HSD17B13: variants seen among roughly 807,000 people sequenced by gnomAD.
HSD17B13 encodes the protein 17-beta-hydroxysteroid dehydrogenase 13.
HSD17B13 carries 26 observed loss-of-function variants against 31.1 expected under a neutral mutation model. The ratio of observed to expected loss-of-function variants is 0.84; its 90% CI spans 0.61 to 1.16. The LOEUF (loss-of-function observed/expected upper bound fraction) is 1.16, where lower values mean the gene tolerates loss of function less well. Ranked by LOEUF, HSD17B13 falls within the 50% of genes most tolerant of loss-of-function variation. HSD17B13 has a pLI of 0.00. For synonymous variants in HSD17B13, 141 were observed against 133.7 expected (o/e 1.05, Z -0.38); for missense variants, 374 against 366.5 (o/e 1.02, Z -0.17).
rs1734592733 is a variant in HSD17B13, at chr4:87,313,975, T to C, written c.558-15A>G. The C allele has an allele frequency of 1.3e-6, 2 of 1,522,198 alleles. No homozygotes were observed. The highest frequency in any genetic ancestry group is 2.5e-5 in the East Asian group (1 of 40,318). 94.3% of individuals were successfully genotyped at this position (1,522,198 alleles called of 1,614,324 possible). A position where few individuals can be genotyped will look rare whatever the true frequency, so the allele number is the denominator to read the frequency against. ...ATTTGCTGGAACTGTAAGAGAATTA[T>C]TAAGCATTGTTAGCTAAGGGAGAGT... On this transcript the variant is annotated splice_polypyrimidine_tract_variant and intron_variant, in intron 4 of 6. Coordinates refer to ENST00000328546, the MANE Select transcript of HSD17B13 (RefSeq NM_178135.5).
chr4:87,322,665 T>C lies in HSD17B13; in HGVS notation c.177A>G (p.Arg59=). ...TATCCCACAGAACCAATATGCTCTG[T>C]CGTTTTGCAAATTCATAAGTAGTCT... The part of the protein sequence containing the change: ...GRQTTYEFAK[R]QSILVLWDIN... The change falls in exon 1 of 7, where the codon CGA becomes CGG. Residue 59 remains arginine, a synonymous_variant. Transcript: ENST00000328546. 2 of 1,614,122 alleles carry C rather than the reference T, an allele frequency of 1.2e-6. No homozygotes were observed. Among genetic ancestry groups the C allele is most frequent in the Non-Finnish European group, 1.7e-6 (2 of 1,179,940 alleles).
At chr4:87,310,136 C>T (rs911946409) in intron 6 of HSD17B13, 107 bp downstream of exon 6, 58 of 1,361,936 alleles carry the variant, frequency 4.3e-5, no homozygotes, top group African/African-American at 4.1e-4. Flanking sequence ...CTGCAACCAC[C>T]GCAATCCAGC....
At chr4:87,305,461 T>G (rs1172121923) in intron 6 of HSD17B13, among the ~76,000 whole-genome samples, 153 bp from the exon 7 acceptor site, 1 of 151,392 alleles carries the variant, frequency 6.6e-6, no homozygotes, top group Non-Finnish European at 1.5e-5. Flanking sequence ...ACCTCTCTTT[T>G]ACGTGTGCAT....
intron 6 of HSD17B13, among the ~76,000 whole-genome samples, chr4:87,308,485 TAAAAAAAAAAAAAAA>T (rs893354684): frequency 0.019 from 632 of 33,166 alleles, 11 homozygotes; most frequent in African/African-American, 0.035. Context: ...CCGTCTCTAC[TAAAAAAAAAAAAAAA>T]AAAAAAAAAA....
intron 6 of HSD17B13, among the ~76,000 whole-genome samples, chr4:87,305,621 A>G (rs1734374222): frequency 6.6e-6 from 1 of 152,138 alleles, no homozygotes; most frequent in African/African-American, 2.4e-5. Context: ...AAGTAAGGTA[A>G]AGTCTAAATT....
intron 5 of HSD17B13, among the ~76,000 whole-genome samples, chr4:87,312,474 G>A (rs1000490883): frequency 3.5e-5 from 5 of 143,506 alleles, no homozygotes; most frequent in Non-Finnish European, 7.6e-5. Context: ...GCCTCCGACT[G>A]TAGTCTTCAG....
chr4:87,320,382 G>GTTT (rs66590696), intron 1 of HSD17B13, among the ~76,000 whole-genome samples: 1,838 of 101,280 alleles, frequency 0.018, 74 homozygotes, highest in East Asian at 0.031. Context: ...TTATTCTTCA[G>GTTT]TTTTTTTTTT....
intron 5 of HSD17B13, among the ~76,000 whole-genome samples, chr4:87,313,392 A>C (rs1175741821): frequency 1.3e-5 from 2 of 152,186 alleles, no homozygotes. Flanking sequence ...TCGGGTTCTT[A>C]TCCACACCTT....
Position 87,315,607 on chromosome 4 carries a change from A to C in HSD17B13, c.451-8T>G, listed in dbSNP as rs201689424. The C allele has an allele frequency of 3.7e-4, 568 of 1,544,134 alleles. 2 individuals are homozygous for C. The African/African-American group carries it at 6.7e-3, about 18-fold the overall frequency. On this transcript the variant is annotated splice_region_variant and splice_polypyrimidine_tract_variant and intron_variant, in intron 3 of 6. Coordinates refer to ENST00000328546, the MANE Select transcript of HSD17B13 (RefSeq NM_178135.5). ...AAGAAGTGCTTTTGTGATCTTAAGG[A>C]TCATTGCAGAAAGAAGAAAGACAAT... is the stretch of plus-strand genomic sequence containing the variant.
intron 3 of HSD17B13, among the ~76,000 whole-genome samples, chr4:87,316,795 A>T (rs1439782911): frequency 6.6e-6 from 1 of 152,158 alleles, no homozygotes; most frequent in Non-Finnish European, 1.5e-5. Flanking sequence ...TACACTGACA[A>T]CCCTTAACAA....
intron 6 of HSD17B13, among the ~76,000 whole-genome samples, chr4:87,307,863 G>A (rs1202138689): frequency 6.6e-6 from 1 of 152,116 alleles, no homozygotes; most frequent in Non-Finnish European, 1.5e-5. Flanking sequence ...TCTCAAGTCA[G>A]TCTATTTAAG....
At chr4:87,320,875 T>C (rs1029692412) in intron 1 of HSD17B13, among the ~76,000 whole-genome samples, 1 of 152,132 alleles carries the variant, frequency 6.6e-6, no homozygotes, top group African/African-American at 2.4e-5. Context: ...AAGGAGCCAG[T>C]TATGATGAAA....
intron 4 of HSD17B13, 83 bp from the exon 5 acceptor site, chr4:87,314,043 G>T: frequency 8.4e-7 from 1 of 1,192,448 alleles, no homozygotes; most frequent in Non-Finnish European, 1.1e-6. Context: ...GTATCATTTG[G>T]CTTAAGAACA....
intron 1 of HSD17B13, among the ~76,000 whole-genome samples, chr4:87,322,409 G>A (rs186557981): frequency 3.9e-5 from 6 of 152,270 alleles, no homozygotes; most frequent in African/African-American, 1.4e-4. Flanking sequence ...TGGCTCCTGA[G>A]TCTTTCTATC....
chr4:87,320,382 G>GTTTTTT (rs66590696), intron 1 of HSD17B13, among the ~76,000 whole-genome samples: 16 of 101,376 alleles, frequency 1.6e-4, no homozygotes, highest in East Asian at 3.1e-4. Context: ...TTATTCTTCA[G>GTTTTTT]TTTTTTTTTT....
At chr4:87,316,421 T>TGAGTAAACGA (rs1734650337) in intron 3 of HSD17B13, among the ~76,000 whole-genome samples, 3 of 152,160 alleles carry the variant, frequency 2.0e-5, no homozygotes, top group Admixed American at 6.6e-5. Context: ...GGGGGACACA[T>TGAGTAAACGA]CTCTTTTTTT....
At chr4:87,305,331 T>A (rs1188949201) in intron 6 of HSD17B13, 23 bp from the exon 7 acceptor site, 1 of 1,474,368 alleles carries the variant, frequency 6.8e-7, no homozygotes, top group Non-Finnish European at 9.2e-7. Context: ...GAAAAAAAAA[T>A]TGAAAAATTT....
chr4:87,306,794 C>A (rs1433090254), intron 6 of HSD17B13, among the ~76,000 whole-genome samples: 1 of 150,630 alleles, frequency 6.6e-6, no homozygotes, highest in African/African-American at 2.4e-5. Context: ...GTAATCCCAG[C>A]TACTCAGGAG....
At chr4:87,315,891 A>G (rs1448776160) in intron 3 of HSD17B13, among the ~76,000 whole-genome samples, 4 of 152,168 alleles carry the variant, frequency 2.6e-5, no homozygotes, top group South Asian at 4.1e-4. Flanking sequence ...TATTAAGGGA[A>G]AAATTCAGAG....
Sources: allele counts gnomAD v4.1 joint callset (sites outside exome capture counted in the v4.1 genomes callset), GRCh38; gene constraint gnomAD v4.1.1; transcripts MANE v1.5; gene names NCBI Gene and HGNC (gene_info 2026-07-23, HGNC 2026-07-21).